Variants in DNAH3 observed in about 807,000 individuals in gnomAD.
The protein encoded by DNAH3 is axonemal beta dynein heavy chain 3.
In DNAH3, 332 loss-of-function variants were observed where a neutral mutation model predicts 432.5. That is an observed-to-expected ratio of 0.77 (90% confidence interval 0.70 to 0.84). The LOEUF is 0.84. Ranked by LOEUF, DNAH3 falls within the 40% of genes least tolerant of loss-of-function variation. The probability of loss-of-function intolerance (pLI) is 0.00; values close to 1 mark genes in which losing one functional copy is unlikely to be tolerated. For synonymous variants in DNAH3, 1,956 were observed against 1,900.2 expected, an observed-to-expected ratio of 1.03 and a Z score of -0.76; for missense variants, 4,861 against 5,114.0, an observed-to-expected ratio of 0.95 and a Z score of 1.51.
chr16:20,994,866 T>C (rs552458624), intron 44 of DNAH3, among the ~76,000 whole-genome samples: 26 of 152,304 alleles, frequency 1.7e-4, no homozygotes, highest in African/African-American at 6.3e-4. Flanking sequence ...AAATCCTCCT[T>C]TTATTATTAT....
intron 50 of DNAH3, among the ~76,000 whole-genome samples, chr16:20,978,764 C>A (rs540595977): frequency 6.6e-6 from 1 of 152,018 alleles, no homozygotes; most frequent in African/African-American, 2.4e-5. Flanking sequence ...TGGTCTCAAG[C>A]GATCTCTTGG....
At chr16:21,146,668 T>C (rs778521611) in intron 1 of DNAH3, among the ~76,000 whole-genome samples, 2 of 152,216 alleles carry the variant, frequency 1.3e-5, no homozygotes, top group South Asian at 2.1e-4. Context: ...GTCATCATGC[T>C]GTACAACAGA....
At chr16:20,966,812 G>A (rs1363374883) in intron 52 of DNAH3, among the ~76,000 whole-genome samples, 1 of 152,154 alleles carries the variant, frequency 6.6e-6, no homozygotes, top group East Asian at 1.9e-4. Context: ...GTGAGGCAAA[G>A]GTCTTGTGAG....
chr16:21,112,125 AAC>A (rs773771071), intron 12 of DNAH3, 27 bp from the exon 13 acceptor site: 1 of 1,490,622 alleles, frequency 6.7e-7, no homozygotes, highest in Non-Finnish European at 9.3e-7. Context: ...TGTGAAATCA[AAC>A]ACACAAATAT....
At chr16:21,108,734 C>T (rs570114689) in intron 14 of DNAH3, among the ~76,000 whole-genome samples, 6 of 151,916 alleles carry the variant, frequency 3.9e-5, no homozygotes, top group Non-Finnish European at 8.8e-5. Context: ...CAGAGTAAGA[C>T]CCTGTCTCAA....
rs781007154 is a variant in DNAH3, at chr16:20,964,855, C to T, written c.9029G>A (p.Gly3010Asp). Residue 3010 changes from glycine to aspartate, a missense_variant, in exon 53 of 62, where the codon GGC becomes GAC. Physicochemically the swap from Gly to Asp is moderately conservative, Grantham distance 94. Coordinates refer to ENST00000261383, the Ensembl canonical transcript of DNAH3. ...GACCCGATAATCCACTGTAAAAGCG[C>T]CCAGGTAAGCCACAGTTCCTGAGGA... The T allele has an allele frequency of 3.1e-6, 5 of 1,613,952 alleles. No individual in the cohort carries two copies. The African/African-American group carries it at 5.3e-5, about 17-fold the overall frequency.
At chr16:20,945,004 A>G (rs1021580339) in intron 57 of DNAH3, among the ~76,000 whole-genome samples, 22 of 152,268 alleles carry the variant, frequency 1.4e-4, no homozygotes, top group African/African-American at 5.3e-4. Flanking sequence ...GAGCAACTCC[A>G]TCTTGTATAG....
At chr16:21,039,067 A>T (rs1274283591) in intron 33 of DNAH3, among the ~76,000 whole-genome samples, 1 of 152,236 alleles carries the variant, frequency 6.6e-6, no homozygotes, top group Non-Finnish European at 1.5e-5. Flanking sequence ...ACACACTTGA[A>T]GACACTGATC....
At chr16:20,959,298 G>T (rs747833121) in exon 54 of DNAH3, 1 of 1,614,176 alleles carries the variant, frequency 6.2e-7, no homozygotes, top group Non-Finnish European at 8.5e-7. Context: ...CGTCTTTGAT[G>T]GCATTGTTGA....
intron 50 of DNAH3, among the ~76,000 whole-genome samples, chr16:20,976,672 C>T (rs2085605672): frequency 6.6e-6 from 1 of 152,170 alleles, no homozygotes; most frequent in African/African-American, 2.4e-5. Flanking sequence ...TAGGCGAGGT[C>T]TTTGAAGATA....
At chr16:20,965,175 G>A in exon 53 of DNAH3, 2 of 1,614,000 alleles carry the variant, frequency 1.2e-6, no homozygotes, top group Non-Finnish European at 1.7e-6. Flanking sequence ...GCTCCCGTTT[G>A]GGAGCCACCA....
chr16:20,935,531 A>G, intron 60 of DNAH3, 46 bp from the exon 61 acceptor site: 2 of 1,591,978 alleles, frequency 1.3e-6, no homozygotes, highest in Non-Finnish European at 1.7e-6. Flanking sequence ...AACACATCAA[A>G]GATAGTTCAA....
At chr16:21,105,260 A>T (rs1201915995) in intron 15 of DNAH3, among the ~76,000 whole-genome samples, 1 of 152,284 alleles carries the variant, frequency 6.6e-6, no homozygotes, top group Middle Eastern at 3.4e-3. Flanking sequence ...ACATCCATAC[A>T]TTGTGAACAC....
At chr16:21,126,841 G>A (rs1193686844) in intron 8 of DNAH3, among the ~76,000 whole-genome samples, 1 of 151,926 alleles carries the variant, frequency 6.6e-6, no homozygotes, top group Non-Finnish European at 1.5e-5. Flanking sequence ...ACATGCGAGG[G>A]ATCCAGGTTG....
At chr16:21,055,700 T>C (rs991820598) in intron 27 of DNAH3, among the ~76,000 whole-genome samples, 28 of 152,052 alleles carry the variant, frequency 1.8e-4, no homozygotes, top group African/African-American at 5.6e-4. Flanking sequence ...TGGCAAATGA[T>C]TTTATGCTTC....
chr16:21,073,330 C>A (rs896317162), intron 21 of DNAH3, among the ~76,000 whole-genome samples: 4 of 152,178 alleles, frequency 2.6e-5, no homozygotes, highest in African/African-American at 7.2e-5. Flanking sequence ...TATAAGTGAG[C>A]TGTTCCCCAG....
intron 52 of DNAH3, among the ~76,000 whole-genome samples, chr16:20,967,492 CTTTTTTT>C (rs756357963): frequency 7.6e-5 from 4 of 52,786 alleles, no homozygotes; most frequent in African/African-American, 1.9e-4. Context: ...CAGACTTCTG[CTTTTTTT>C]TTTTTTTTTT....
chr16:20,997,280 T>C lies in DNAH3; in HGVS notation c.6601+3A>G, dbSNP rs780313504. On this transcript the variant is annotated splice_donor_region_variant and intron_variant, in intron 44 of 61. Coordinates refer to ENST00000261383, the Ensembl canonical transcript of DNAH3. ...AGAGGAATGAGCTCTTCCCTTCACA[T>C]ACCAGTAATGTCATTCCTTCCTCCC... 26 of 1,613,526 alleles carry C rather than the reference T, an allele frequency of 1.6e-5. No individual in the cohort carries two copies. The highest frequency in any genetic ancestry group is 1.9e-5 in the Non-Finnish European group (22 of 1,179,704).
intron 11 of DNAH3, among the ~76,000 whole-genome samples, chr16:21,118,509 T>C (rs1474506536): frequency 6.6e-6 from 1 of 152,130 alleles, no homozygotes; most frequent in African/African-American, 2.4e-5. Flanking sequence ...TCATAGCTCC[T>C]ATGCTATGTG....
Sources: gnomAD v4.1 joint callset for allele counts (sites outside exome capture counted in the v4.1 genomes callset) on GRCh38, gnomAD v4.1.1 for gene constraint, MANE v1.5 for transcripts, NCBI Gene and HGNC (gene_info 2026-07-23, HGNC 2026-07-21) for gene names.